The following MTUS2 variants were observed in gnomAD, a reference collection of about 807,000 sequenced individuals.
MTUS2 encodes the protein microtubule associated scaffold protein 2.
A neutral mutation model predicts 114.1 loss-of-function variants in MTUS2; 40 were observed. The observed-to-expected ratio is 0.35, with a 90% CI of 0.27 to 0.46. The LOEUF is 0.46. Ranked by LOEUF, MTUS2 falls within the 20% of genes least tolerant of loss-of-function variation. The pLI, the probability that MTUS2 is intolerant of heterozygous loss-of-function variation, is 1.00. For synonymous variants in MTUS2, 688 were observed against 672.0 expected, an observed-to-expected ratio of 1.02 and a Z score of -0.37; for missense variants, 1,679 against 1,705.4, an observed-to-expected ratio of 0.98 and a Z score of 0.27.
chr13:28,960,058 GA>G (rs1259150290), intron 2 of MTUS2, among the ~76,000 whole-genome samples: 1 of 152,186 alleles, frequency 6.6e-6, no homozygotes, highest in African/African-American at 2.4e-5. Flanking sequence ...TACCGATATT[GA>G]GGTGACAAGT....
chr13:29,174,707 T>C (rs535774083), intron 5 of MTUS2, among the ~76,000 whole-genome samples: 44 of 152,292 alleles, frequency 2.9e-4, no homozygotes, highest in African/African-American at 9.9e-4. Context: ...GTCCATACCA[T>C]GTGGACAAGA....
At chr13:29,220,059 A>C (rs1320776913) in intron 5 of MTUS2, among the ~76,000 whole-genome samples, 2 of 151,596 alleles carry the variant, frequency 1.3e-5, no homozygotes, top group Non-Finnish European at 2.9e-5. Context: ...GCAATGGCAC[A>C]ATCTCTGCTC....
chr13:29,411,516 C>CAT (rs1170584952), intron 8 of MTUS2, among the ~76,000 whole-genome samples: 10 of 152,200 alleles, frequency 6.6e-5, no homozygotes, highest in African/African-American at 2.4e-4. Flanking sequence ...AGACCCTCTG[C>CAT]ATAAATGTTC....
At chr13:29,368,047 T>A (rs1870879317) in intron 8 of MTUS2, among the ~76,000 whole-genome samples, 1 of 151,728 alleles carries the variant, frequency 6.6e-6, no homozygotes, top group South Asian at 2.1e-4. Flanking sequence ...CACACCATTC[T>A]CCTGCCTCAT....
intron 1 of MTUS2, among the ~76,000 whole-genome samples, chr13:28,838,921 G>T (rs1319885033): frequency 6.6e-6 from 1 of 152,052 alleles, no homozygotes; most frequent in Non-Finnish European, 1.5e-5. Flanking sequence ...AACCATTGTT[G>T]CTCAGAAAAA....
chr13:29,502,259 T>C (rs962479728), intron 15 of MTUS2, among the ~76,000 whole-genome samples: 14 of 152,232 alleles, frequency 9.2e-5, no homozygotes, highest in Admixed American at 9.2e-4. Context: ...TTAAAATGCA[T>C]ATGTACTTAT....
chr13:29,014,145 A>C (rs1885969838), intron 2 of MTUS2, among the ~76,000 whole-genome samples: 1 of 151,990 alleles, frequency 6.6e-6, no homozygotes, highest in South Asian at 2.1e-4. Flanking sequence ...GCCTTGTTCC[A>C]CACAGGCTGC....
At chr13:28,977,392 A>T (rs1391980777) in intron 2 of MTUS2, among the ~76,000 whole-genome samples, 2 of 152,244 alleles carry the variant, frequency 1.3e-5, no homozygotes, top group Non-Finnish European at 2.9e-5. Flanking sequence ...AGTTATAATC[A>T]GCTGCTAACA....
At chr13:29,314,825 A>G (rs1358997727) in intron 6 of MTUS2, among the ~76,000 whole-genome samples, 3 of 152,194 alleles carry the variant, frequency 2.0e-5, no homozygotes, top group African/African-American at 7.2e-5. Context: ...ACTACTGGGT[A>G]TATATCCAAA....
rs1394413756 is a variant in MTUS2, at chr13:29,025,996, G to T, written c.1298G>T (p.Gly433Val). The change falls in exon 3 of 16, where the codon GGT (glycine) becomes GTT (valine). Residue 433 changes from glycine (G) to valine (V), a missense_variant. Coordinates refer to ENST00000612955, the MANE Select transcript of MTUS2 (RefSeq NM_001033602.4). Reference protein sequence around the residue: ...GERTSSSFSPGDSHVAFIPNN... With the variant: ...GERTSSSFSPVDSHVAFIPNN... ...AGGACATCCAGCAGCTTTTCACCAG[G>T]TGACAGTCATGTGGCTTTTATTCCT... The T allele has an allele frequency of 1.2e-6, 2 of 1,614,026 alleles. No individual in the cohort carries two copies. Among genetic ancestry groups the T allele is most frequent in the African/African-American group, 1.3e-5 (1 of 75,058 alleles).
At chr13:28,967,020 A>G (rs539226132) in intron 2 of MTUS2, among the ~76,000 whole-genome samples, 1 of 152,330 alleles carries the variant, frequency 6.6e-6, no homozygotes, top group South Asian at 2.1e-4. Context: ...CAGTAATAGT[A>G]CTGCGATAGC....
intron 5 of MTUS2, among the ~76,000 whole-genome samples, chr13:29,155,403 A>G (rs117993721): frequency 0.02 from 3,005 of 152,336 alleles, 44 homozygotes; most frequent in Non-Finnish European, 0.029. Context: ...AAATAAGTCC[A>G]GTGCATTTGA....
chr13:29,474,854 A>C (rs1292346154), intron 9 of MTUS2, among the ~76,000 whole-genome samples: 7 of 152,176 alleles, frequency 4.6e-5, no homozygotes, highest in South Asian at 2.1e-4. Context: ...AATGTGAATA[A>C]GTTGTTTTTA....
At chr13:28,863,337 A>G (rs1877105498) in intron 2 of MTUS2, among the ~76,000 whole-genome samples, 1 of 152,202 alleles carries the variant, frequency 6.6e-6, no homozygotes, top group Non-Finnish European at 1.5e-5. Flanking sequence ...CAAACCTTTC[A>G]GGTCCTCTGC....
At chr13:29,372,554 A>T (rs923886677) in intron 8 of MTUS2, among the ~76,000 whole-genome samples, 3 of 152,142 alleles carry the variant, frequency 2.0e-5, no homozygotes, top group East Asian at 3.9e-4. Context: ...ACAGAAGAAC[A>T]TCCACCATGC....
chr13:29,080,631 C>G (rs890341566), intron 4 of MTUS2, among the ~76,000 whole-genome samples: 1 of 152,224 alleles, frequency 6.6e-6, no homozygotes, highest in Non-Finnish European at 1.5e-5. Context: ...TGCTTTTAAT[C>G]TGGCTGCACT....
rs547712249 is a variant in MTUS2 at position 29,450,530 on chromosome 13, A to G, written c.3184+10481A>G. Among the ~76,000 whole-genome samples the G allele has an allele frequency of 8.7e-4, 132 of 152,286 alleles. 6 individuals are homozygous for G. In the South Asian group the frequency reaches 0.025, roughly 29 times the overall value. Reference sequence around the variant, plus strand: ...AAAGAAGCTGACTCAAAATTAAGAAACCAAGAAACCAGCAGAAAAAATAAC... The same window carrying G: ...AAAGAAGCTGACTCAAAATTAAGAAGCCAAGAAACCAGCAGAAAAAATAAC... On this transcript the variant is annotated intron_variant, in intron 9 of 15. Transcript: ENST00000612955.
intron 5 of MTUS2, among the ~76,000 whole-genome samples, chr13:29,179,790 T>G (rs1893923298): frequency 6.6e-6 from 1 of 152,236 alleles, no homozygotes. Context: ...TTTTCAGATT[T>G]TCTGGTTATC....
intron 9 of MTUS2, among the ~76,000 whole-genome samples, chr13:29,459,420 T>C (rs900807642): frequency 3.3e-5 from 5 of 152,304 alleles, no homozygotes; most frequent in African/African-American, 1.2e-4. Flanking sequence ...ATTCTGCTTC[T>C]TCCTCGTTAT....
Sources: allele counts gnomAD v4.1 joint callset (sites outside exome capture counted in the v4.1 genomes callset), GRCh38; gene constraint gnomAD v4.1.1; transcripts MANE v1.5; gene names NCBI Gene and HGNC (gene_info 2026-07-23, HGNC 2026-07-21).